Variants in ADK observed in about 807,000 individuals in gnomAD.
ADK encodes adenosine kinase.
Under a neutral mutation model 44.7 loss-of-function variants are expected in ADK, and 24 were observed. The ratio of observed to expected loss-of-function variants is 0.54; its 90% CI spans 0.39 to 0.76. The LOEUF (loss-of-function observed/expected upper bound fraction) is 0.76, where lower values mean the gene tolerates loss of function less well. Among genes scored for constraint, ADK ranks in the 30% least tolerant of loss-of-function variants. The pLI, the probability that ADK is intolerant of heterozygous loss-of-function variation, is 0.00. For missense variants in ADK, 321 were observed against 425.1 expected, an observed-to-expected ratio of 0.76 and a Z score of 2.15; for synonymous variants, 128 against 142.6, an observed-to-expected ratio of 0.90 and a Z score of 0.73.
chr10:74,611,570 C>T (rs543739148), intron 9 of ADK, among the ~76,000 whole-genome samples: 2 of 149,326 alleles, frequency 1.3e-5, no homozygotes, highest in East Asian at 3.9e-4. Flanking sequence ...TTACATAAGG[C>T]TGGGGTTTGG....
chr10:74,533,145 A>G (rs1219848480), intron 7 of ADK, among the ~76,000 whole-genome samples: 2 of 152,196 alleles, frequency 1.3e-5, no homozygotes. Context: ...CATTGTTGAA[A>G]AAATTTAAGA....
chr10:74,208,071 G>T (rs970053469), intron 2 of ADK, among the ~76,000 whole-genome samples: 6 of 152,258 alleles, frequency 3.9e-5, no homozygotes, highest in Admixed American at 3.3e-4. Context: ...TTGTGACAGT[G>T]CCTGGGCTTG....
intron 4 of ADK, among the ~76,000 whole-genome samples, chr10:74,325,048 G>A (rs957304429): frequency 1.3e-5 from 2 of 152,210 alleles, no homozygotes; most frequent in Middle Eastern, 3.4e-3. Flanking sequence ...ATTGTCATTT[G>A]AGAGGGTTTA....
chr10:74,419,622 A>G (rs944995061), intron 6 of ADK, among the ~76,000 whole-genome samples: 2 of 152,180 alleles, frequency 1.3e-5, no homozygotes, highest in Non-Finnish European at 2.9e-5. Flanking sequence ...GACAGCTGCT[A>G]TAAGTATGAT....
At chr10:74,596,302 C>T (rs1394022028) in intron 8 of ADK, among the ~76,000 whole-genome samples, 1 of 152,168 alleles carries the variant, frequency 6.6e-6, no homozygotes, top group Non-Finnish European at 1.5e-5. Context: ...ACGTCTCTGA[C>T]TCAGTTTCTT....
chr10:74,269,209 A>G (rs1377315896), intron 3 of ADK, among the ~76,000 whole-genome samples: 13 of 152,058 alleles, frequency 8.5e-5, no homozygotes. Context: ...AGTCTCAAGA[A>G]AAGAGCCTCC....
chr10:74,700,682 C>A (rs1856391171), intron 10 of ADK, among the ~76,000 whole-genome samples: 1 of 151,556 alleles, frequency 6.6e-6, no homozygotes, highest in Non-Finnish European at 1.5e-5. Context: ...ATCTGCTTAC[C>A]TTTACTAAAA....
chr10:74,479,911 C>G (rs1055480328), intron 6 of ADK, among the ~76,000 whole-genome samples: 1 of 152,026 alleles, frequency 6.6e-6, no homozygotes, highest in African/African-American at 2.4e-5. Context: ...TTCTTTCCAT[C>G]CTTTTTAATT....
At chr10:74,635,376 T>A (rs762320776) in intron 9 of ADK, among the ~76,000 whole-genome samples, 162 of 152,204 alleles carry the variant, frequency 1.1e-3, no homozygotes, top group Non-Finnish European at 8.5e-4. Flanking sequence ...CAGCAATATT[T>A]TCCTTCAGTG....
chr10:74,151,376 C>G, intron 1 of ADK, 33 bp downstream of exon 1: 1 of 1,548,524 alleles, frequency 6.5e-7, no homozygotes, highest in Non-Finnish European at 8.7e-7. Context: ...AGGAGGGTGA[C>G]GGCGCTGCAA....
rs141980532 is a variant in ADK, at chr10:74,242,378, G to T, written c.194+17787G>T. Among the ~76,000 whole-genome samples, 706 of 152,272 alleles carry T rather than the reference G, an allele frequency of 4.6e-3. 6 individuals are homozygous for T. Among genetic ancestry groups the T allele is most frequent in the Admixed American group, 8.4e-3 (129 of 15,294 alleles). ...TGGGCTTATATCTTTGTTTATTTGT[G>T]TTTGTTTTCCATTGTACACTCAGTG... On this transcript the variant is annotated intron_variant, in intron 3 of 10. Transcript: ENST00000539909.
intron 9 of ADK, among the ~76,000 whole-genome samples, chr10:74,607,612 A>G (rs911669838): frequency 1.3e-5 from 2 of 152,168 alleles, no homozygotes; most frequent in Admixed American, 1.3e-4. Context: ...TGTTAGTCTG[A>G]TGGGCTTCCC....
chr10:74,363,138 T>C (rs1463832136), intron 4 of ADK, among the ~76,000 whole-genome samples: 1 of 152,214 alleles, frequency 6.6e-6, no homozygotes, highest in East Asian at 1.9e-4. Flanking sequence ...CAAGAGGGCT[T>C]GGAGCCAAGA....
chr10:74,251,894 C>CTTTTTTTTTTTTT (rs566363104), intron 3 of ADK, among the ~76,000 whole-genome samples: 1 of 99,386 alleles, frequency 1.0e-5, no homozygotes, highest in Non-Finnish European at 1.9e-5. Context: ...GTGGCAGATA[C>CTTTTTTTTTTTTT]TTTTTTTTTT....
At chr10:74,170,799 C>CAAAAAAA (rs938297412) in intron 1 of ADK, among the ~76,000 whole-genome samples, 2 of 52,852 alleles carry the variant, frequency 3.8e-5, no homozygotes, top group Admixed American at 2.1e-4. Flanking sequence ...GACTCCATCT[C>CAAAAAAA]AAAAAAAAAA....
intron 7 of ADK, among the ~76,000 whole-genome samples, chr10:74,553,451 G>A (rs1294431180): frequency 2.6e-5 from 4 of 151,750 alleles, no homozygotes; most frequent in East Asian, 3.9e-4. Context: ...TGCCCTCCTC[G>A]GCCTCCCAAA....
intron 9 of ADK, chr10:74,655,429 G>T (rs1854444097): frequency 2.4e-6 from 1 of 425,178 alleles, no homozygotes; most frequent in Admixed American, 3.3e-5. Context: ...TGCTGTAGAA[G>T]GACGATTTCA....
intron 9 of ADK, among the ~76,000 whole-genome samples, chr10:74,642,158 A>G (rs1853871952): frequency 6.6e-6 from 1 of 152,092 alleles, no homozygotes; most frequent in Admixed American, 6.6e-5. Flanking sequence ...TAAATGTCAT[A>G]CTCTCTACTA....
chr10:74,453,247 C>T (rs992374551), intron 6 of ADK, among the ~76,000 whole-genome samples: 9 of 152,042 alleles, frequency 5.9e-5, no homozygotes, highest in Non-Finnish European at 8.8e-5. Flanking sequence ...TTACTCAACA[C>T]GTAAGACAAA....
Sources: gnomAD v4.1 joint callset for allele counts (sites outside exome capture counted in the v4.1 genomes callset) on GRCh38, gnomAD v4.1.1 for gene constraint, MANE v1.5 for transcripts, NCBI Gene and HGNC (gene_info 2026-07-23, HGNC 2026-07-21) for gene names.